Variants in CCDC102B observed in about 807,000 individuals in gnomAD.
CCDC102B encodes coiled-coil domain containing 102B.
CCDC102B carries 75 observed loss-of-function variants against 57.4 expected under a neutral mutation model. The ratio of observed to expected loss-of-function variants is 1.31; its 90% CI spans 1.08 to 1.58. The LOEUF is 1.58. Among genes scored for constraint, CCDC102B ranks in the 40% most tolerant of loss-of-function variants. The pLI is 0.00. For synonymous variants in CCDC102B, 206 were observed against 201.9 expected (o/e 1.02, Z -0.17); for missense variants, 636 against 582.6 (o/e 1.09, Z -0.94).
intron 5 of CCDC102B, among the ~76,000 whole-genome samples, chr18:68,878,739 A>G (rs1055042647): frequency 3.3e-5 from 5 of 152,158 alleles, no homozygotes; most frequent in East Asian, 1.9e-4. Context: ...TAAGCTACCC[A>G]GGTTATGATA....
chr18:68,813,181 TTCTCTC>T (rs142421359), intron 1 of CCDC102B, among the ~76,000 whole-genome samples: 2 of 149,560 alleles, frequency 1.3e-5, no homozygotes, highest in South Asian at 2.1e-4. Context: ...CATTTCCCAC[TTCTCTC>T]TCTCTCTCTC....
chr18:68,773,367 GCTTCATAT>G (rs1473497833), intron 2 of CCDC102B, among the ~76,000 whole-genome samples: 1 of 151,966 alleles, frequency 6.6e-6, no homozygotes, highest in Non-Finnish European at 1.5e-5. Flanking sequence ...AAGTTAGTTT[GCTTCATAT>G]GCAGTAAAGA....
intron 1 of CCDC102B, among the ~76,000 whole-genome samples, chr18:68,829,323 G>A (rs1405771137): frequency 6.6e-6 from 1 of 151,930 alleles, no homozygotes; most frequent in Non-Finnish European, 1.5e-5. Context: ...ATACGCACAG[G>A]TATAGCTCAT....
intron 2 of CCDC102B, among the ~76,000 whole-genome samples, chr18:68,744,809 G>C (rs2033548815): frequency 6.6e-6 from 1 of 152,162 alleles, no homozygotes; most frequent in Non-Finnish European, 1.5e-5. Context: ...AAAAGTTATT[G>C]TACATCACTA....
In CCDC102B at chr18:68,905,784, CTTTTTTTTTTTT is replaced by C. The variant is rs35808828; in HGVS notation, c.1263+8372_1263+8383del. Among the ~76,000 whole-genome samples the C allele has an allele frequency of 4.3e-5, 3 of 70,464 alleles. 1 individual carries two copies. The East Asian group carries it at 1.7e-3, about 39-fold the overall frequency. 46.2% of individuals were successfully genotyped at this position (70,464 alleles called of 152,430 possible). On this transcript the variant is annotated intron_variant, in intron 6 of 7. Coordinates refer to ENST00000360242, the MANE Select transcript of CCDC102B (RefSeq NM_024781.3). ...GTGATATATAATCTTTTATGTCTGG[CTTTTTTTTTTTT>C]TTTTTTTTTTTTTTTGAGACAGAGT...
chr18:68,837,387 AGAT>A lies in CCDC102B; in HGVS notation c.606+23_606+25del. 6.3e-7 allele frequency: 1 copy of A among 1,590,578 alleles called. No homozygotes were observed. The highest frequency in any genetic ancestry group is 8.6e-7 in the Non-Finnish European group (1 of 1,169,280). ...ATAATAAGGTAAGAAAAAAATCCAG[AGAT>A]GATGTGAATTTCTGAAGGTCATATA... On this transcript the variant is annotated intron_variant, in intron 2 of 7. Transcript: ENST00000360242.
chr18:68,796,620 T>C (rs2035637410), upstream of CCDC102B, among the ~76,000 whole-genome samples: 1 of 152,092 alleles, frequency 6.6e-6, no homozygotes, highest in Non-Finnish European at 1.5e-5. Flanking sequence ...AGAACATATG[T>C]GATGCACACC....
At chr18:69,032,620 G>T (rs1474069082) in intron 7 of CCDC102B, among the ~76,000 whole-genome samples, 1 of 151,958 alleles carries the variant, frequency 6.6e-6, no homozygotes, top group Non-Finnish European at 1.5e-5. Flanking sequence ...CTTTAATTTG[G>T]ATAACATTGG....
At chr18:69,030,301 C>A (rs1341240085) in intron 7 of CCDC102B, among the ~76,000 whole-genome samples, 2 of 152,124 alleles carry the variant, frequency 1.3e-5, no homozygotes, top group African/African-American at 4.8e-5. Context: ...TAATATTTAG[C>A]AGTTCACCTA....
At chr18:68,862,598 A>AT (rs1443926950) in intron 4 of CCDC102B, among the ~76,000 whole-genome samples, 1 of 152,140 alleles carries the variant, frequency 6.6e-6, no homozygotes. Context: ...TATTACATGT[A>AT]TGTTACAAAG....
chr18:68,821,248 C>T (rs1017586195), intron 1 of CCDC102B, among the ~76,000 whole-genome samples: 2 of 151,906 alleles, frequency 1.3e-5, no homozygotes, highest in African/African-American at 2.4e-5. Flanking sequence ...ATAGCAATGC[C>T]TAAAAATAAA....
chr18:68,841,074 G>A (rs774014820), intron 3 of CCDC102B, among the ~76,000 whole-genome samples: 3 of 152,166 alleles, frequency 2.0e-5, no homozygotes, highest in Non-Finnish European at 2.9e-5. Context: ...CATGCAATCC[G>A]CATGAGGCAA....
chr18:68,974,674 G>A (rs1012042862), intron 6 of CCDC102B, among the ~76,000 whole-genome samples: 10 of 151,454 alleles, frequency 6.6e-5, no homozygotes, highest in Non-Finnish European at 1.0e-4. Context: ...AATACTAAAA[G>A]CATTATTTGA....
chr18:68,786,501 C>G (rs1424485103), intron 2 of CCDC102B, among the ~76,000 whole-genome samples: 4 of 143,530 alleles, frequency 2.8e-5, no homozygotes, highest in Non-Finnish European at 4.5e-5. Context: ...CTTTTATTTC[C>G]TTGAGCAGTG....
chr18:68,939,293 T>G (rs1242311361), intron 6 of CCDC102B, among the ~76,000 whole-genome samples: 1 of 151,768 alleles, frequency 6.6e-6, no homozygotes. Context: ...TTATTTCTGT[T>G]CATTAGACTG....
chr18:68,856,890 G>A (rs2038412017), intron 4 of CCDC102B, among the ~76,000 whole-genome samples: 1 of 148,762 alleles, frequency 6.7e-6, no homozygotes, highest in Non-Finnish European at 1.5e-5. Flanking sequence ...CATATGTTGT[G>A]TATATATGCA....
intron 3 of CCDC102B, among the ~76,000 whole-genome samples, chr18:68,846,019 A>G (rs8088575): frequency 0.61 from 92,819 of 151,386 alleles, 28,743 homozygotes; most frequent in African/African-American, 0.66. Context: ...TTATGAGTGA[A>G]AGGAATTGAG....
chr18:69,036,840 C>T (rs781434768), intron 7 of CCDC102B, among the ~76,000 whole-genome samples: 11 of 151,788 alleles, frequency 7.2e-5, no homozygotes, highest in Non-Finnish European at 1.2e-4. Flanking sequence ...GCATGAAAGA[C>T]GATAAACTGA....
In CCDC102B at chr18:68,836,990, G is replaced by A. The variant is rs373551401; in HGVS notation, c.227G>A (p.Arg76Gln). ...GATATTTGTGAAGAACTTCGCCTGC[G>A]GGAGCTTGAAGAAGTCAAGGCCAGA... The part of the protein sequence containing the change: ...KWDICEELRL[R>Q]ELEEVKARAA... Residue 76 changes from arginine (R) to glutamine (Q), a missense_variant, in exon 2 of 8, where the codon CGG (arginine) becomes CAG (glutamine). Transcript: ENST00000360242. 3.7e-6 allele frequency: 6 copies of A among 1,614,132 alleles called. No homozygotes were observed. Among genetic ancestry groups the A allele is most frequent in the South Asian group, 1.1e-5 (1 of 91,086 alleles).
Sources: gnomAD v4.1 joint callset for allele counts (sites outside exome capture counted in the v4.1 genomes callset) on GRCh38, gnomAD v4.1.1 for gene constraint, MANE v1.5 for transcripts, NCBI Gene and HGNC (gene_info 2026-07-23, HGNC 2026-07-21) for gene names.